NFIA: variants seen among roughly 807,000 people sequenced by gnomAD.
NFIA encodes nuclear factor 1 A-type.
Under a neutral mutation model 62.8 loss-of-function variants are expected in NFIA, and 8 were observed. The observed-to-expected ratio is 0.13, with a 90% CI of 0.07 to 0.23. The LOEUF (loss-of-function observed/expected upper bound fraction) is 0.23, where lower values mean the gene tolerates loss of function less well. Ranked by LOEUF, NFIA falls within the 10% of genes least tolerant of loss-of-function variation. The probability of loss-of-function intolerance (pLI) is 1.00; values close to 1 mark genes in which losing one functional copy is unlikely to be tolerated. For synonymous variants in NFIA, 235 were observed against 238.1 expected (o/e 0.99, Z 0.12); for missense variants, 410 against 642.1 (o/e 0.64, Z 3.91).
chr1:61,105,534 G>A (rs909026141), intron 2 of NFIA, among the ~76,000 whole-genome samples: 7 of 151,796 alleles, frequency 4.6e-5, no homozygotes, highest in East Asian at 1.9e-4. Context: ...TGTGGTGCTC[G>A]TCTTTTTCTT....
intron 2 of NFIA, among the ~76,000 whole-genome samples, chr1:61,190,234 C>G (rs1164005545): frequency 6.6e-6 from 1 of 152,102 alleles, no homozygotes; most frequent in Non-Finnish European, 1.5e-5. Flanking sequence ...TCTTAATGAC[C>G]ACACAACATG....
At chr1:61,390,101 T>C (rs74086959) in intron 7 of NFIA, among the ~76,000 whole-genome samples, 1,550 of 152,162 alleles carry the variant, frequency 0.01, 36 homozygotes, top group African/African-American at 0.036. Context: ...CAGGGTGCGG[T>C]AGAAAATGAG....
intron 4 of NFIA, among the ~76,000 whole-genome samples, chr1:61,345,240 A>G (rs79516764): frequency 6.6e-6 from 1 of 152,168 alleles, no homozygotes; most frequent in African/African-American, 2.4e-5. Context: ...AGGAGCCTTC[A>G]ACACAATTTA....
chr1:61,268,621 G>A (rs897567106), intron 2 of NFIA, among the ~76,000 whole-genome samples: 7 of 152,148 alleles, frequency 4.6e-5, no homozygotes, highest in African/African-American at 1.7e-4. Context: ...TAAAAGGAAA[G>A]CTGTGTTTTC....
At chr1:61,234,986 T>C (rs1654904439) in intron 2 of NFIA, among the ~76,000 whole-genome samples, 1 of 152,216 alleles carries the variant, frequency 6.6e-6, no homozygotes, top group Non-Finnish European at 1.5e-5. Flanking sequence ...TCCCTCTTCC[T>C]GGTAGGTCCT....
At chr1:61,234,219 T>C (rs1289580555) in intron 2 of NFIA, among the ~76,000 whole-genome samples, 1 of 151,844 alleles carries the variant, frequency 6.6e-6, no homozygotes, top group African/African-American at 2.4e-5. Flanking sequence ...AATACAAAAT[T>C]AGCCTGGAGT....
At chr1:61,112,447 G>T (rs1373244264) in intron 2 of NFIA, among the ~76,000 whole-genome samples, 1 of 152,140 alleles carries the variant, frequency 6.6e-6, no homozygotes, top group East Asian at 1.9e-4. Flanking sequence ...GTAGATAAGT[G>T]TGTGCATTTG....
chr1:61,143,894 G>A (rs1647728120), intron 2 of NFIA, among the ~76,000 whole-genome samples: 1 of 152,170 alleles, frequency 6.6e-6, no homozygotes, highest in African/African-American at 2.4e-5. Context: ...GAGGCCAAAG[G>A]ATATGCCACA....
intron 2 of NFIA, among the ~76,000 whole-genome samples, chr1:61,223,370 A>G (rs989184727): frequency 6.6e-6 from 1 of 152,060 alleles, no homozygotes; most frequent in Non-Finnish European, 1.5e-5. Context: ...TAAAAAAAGT[A>G]GCTTTAATGA....
intron 2 of NFIA, among the ~76,000 whole-genome samples, chr1:61,217,654 A>T (rs1392478686): frequency 6.6e-6 from 1 of 152,206 alleles, no homozygotes; most frequent in East Asian, 1.9e-4. Context: ...TGGTAGGCAC[A>T]TGTCAGTATG....
intron 2 of NFIA, among the ~76,000 whole-genome samples, chr1:61,099,049 C>T (rs892331828): frequency 6.6e-5 from 10 of 152,306 alleles, no homozygotes; most frequent in African/African-American, 2.4e-4. Flanking sequence ...AGACGACAAA[C>T]ATGCAAAATG....
intron 3 of NFIA, among the ~76,000 whole-genome samples, chr1:61,322,671 A>T (rs572991838): frequency 5.4e-5 from 8 of 149,412 alleles, no homozygotes; most frequent in African/African-American, 1.9e-4. Flanking sequence ...TATGTGTGAC[A>T]AACAGCAGAC....
intron 9 of NFIA, among the ~76,000 whole-genome samples, chr1:61,425,341 G>T (rs974721603): frequency 2.0e-5 from 3 of 152,088 alleles, no homozygotes; most frequent in African/African-American, 7.2e-5. Context: ...AAAAAATCTG[G>T]CAGGAATTTG....
rs1388897708 is a variant in NFIA at position 61,456,995 on chromosome 1, G to GTTC, written c.*1677_*1679dup. On this transcript the variant is annotated 3_prime_UTR_variant, in exon 11 of 11. Coordinates refer to ENST00000403491, the MANE Select transcript of NFIA (RefSeq NM_001134673.4). Reference sequence around the variant, plus strand: ...TGCTGATCAGAGAAAGTCTCTGCATGTTCTAGTGTTAGTAACTAATTTTTA... The same window carrying GTTC: ...TGCTGATCAGAGAAAGTCTCTGCATGTTCTTCTAGTGTTAGTAACTAATTTTTA... 10 of 152,236 alleles carry GTTC rather than the reference G, an allele frequency of 6.6e-5. No individual in the cohort carries two copies. In the East Asian group the frequency reaches 1.7e-3, roughly 26 times the overall value. 9.4% of individuals were successfully genotyped at this position (152,236 alleles called of 1,614,324 possible). A position where few individuals can be genotyped will look rare whatever the true frequency, so the allele number is the denominator to read the frequency against.
intron 2 of NFIA, among the ~76,000 whole-genome samples, chr1:61,117,491 C>T (rs1646811368): frequency 8.5e-6 from 1 of 117,346 alleles, no homozygotes; most frequent in Non-Finnish European, 1.8e-5. Context: ...GTCAAGTCTG[C>T]AATAATGTTA....
rs60735193 is a variant in NFIA at position 61,379,402 on chromosome 1, C to CTTTT, written c.947-3814_947-3811dup. ...CACACTCAGCTAACTTTTTCTTTTT[C>CTTTT]TTTTTTTTTTTTTTTTTTTTTTTTG... On this transcript the variant is annotated intron_variant, in intron 6 of 10. Coordinates refer to ENST00000403491, the MANE Select transcript of NFIA (RefSeq NM_001134673.4). Among the ~76,000 whole-genome samples the CTTTT allele has an allele frequency of 1.3e-3, 127 of 98,168 alleles. 1 individual carries two copies. The highest frequency in any genetic ancestry group is 1.6e-3 in the Non-Finnish European group (84 of 51,200). 64.4% of individuals were successfully genotyped at this position (98,168 alleles called of 152,430 possible).
intron 2 of NFIA, among the ~76,000 whole-genome samples, chr1:61,219,486 A>G (rs933854046): frequency 1.3e-5 from 2 of 151,948 alleles, no homozygotes; most frequent in Non-Finnish European, 2.9e-5. Context: ...AGGCTGAGGC[A>G]GGCGGATCAC....
rs2100560033 is a variant in NFIA at position 61,430,843 on chromosome 1, C to G, written c.1512+4287C>G. On this transcript the variant is annotated intron_variant, in intron 10 of 10. Coordinates refer to ENST00000403491, the MANE Select transcript of NFIA (RefSeq NM_001134673.4). ...CTTCCACCTCACTTGTCTGCTACCT[C>G]TGCTACCATCATTTGCCCCTCATTT... is the stretch of plus-strand genomic sequence containing the variant. Among the ~76,000 whole-genome samples the G allele has an allele frequency of 1.3e-5, 2 of 152,282 alleles. 1 individual carries two copies. The highest frequency in any genetic ancestry group is 4.1e-4 in the South Asian group (2 of 4,824).
intron 2 of NFIA, among the ~76,000 whole-genome samples, chr1:61,212,810 G>A (rs1334566995): frequency 6.6e-6 from 1 of 152,202 alleles, no homozygotes; most frequent in Non-Finnish European, 1.5e-5. Context: ...GAGGAAGAAG[G>A]AGGCCGTGTG....
Sources: allele counts gnomAD v4.1 joint callset (sites outside exome capture counted in the v4.1 genomes callset), GRCh38; gene constraint gnomAD v4.1.1; transcripts MANE v1.5; gene names NCBI Gene and HGNC (gene_info 2026-07-23, HGNC 2026-07-21).